Variants in PTK2 observed in about 807,000 individuals in gnomAD.
The protein encoded by PTK2 is protein tyrosine kinase 2.
PTK2 carries 45 observed loss-of-function variants against 150.1 expected under a neutral mutation model. The observed-to-expected ratio is 0.30, with a 90% CI of 0.24 to 0.38. The LOEUF (loss-of-function observed/expected upper bound fraction) is 0.38, where lower values mean the gene tolerates loss of function less well. PTK2 is among the 10% of genes least tolerant of loss of function. The pLI, the probability that PTK2 is intolerant of heterozygous loss-of-function variation, is 1.00. For synonymous variants in PTK2, 432 were observed against 449.2 expected, an observed-to-expected ratio of 0.96 and a Z score of 0.48; for missense variants, 919 against 1,307.3, an observed-to-expected ratio of 0.70 and a Z score of 4.58.
At chr8:140,789,367 T>C (rs2154579726) in intron 14 of PTK2, 107 bp downstream of exon 14, 2 of 1,093,152 alleles carry the variant, frequency 1.8e-6, no homozygotes, top group Non-Finnish European at 2.5e-6. Context: ...AGAATGCTTA[T>C]TTTCATAAGC....
intron 1 of PTK2, among the ~76,000 whole-genome samples, chr8:140,927,136 T>G (rs1425119098): frequency 1.3e-5 from 2 of 152,188 alleles, no homozygotes. Flanking sequence ...CCATATATGT[T>G]ATAAAACAGA....
intron 5 of PTK2, among the ~76,000 whole-genome samples, chr8:140,855,851 G>A (rs553006660): frequency 2.0e-5 from 3 of 152,036 alleles, no homozygotes; most frequent in African/African-American, 7.2e-5. Flanking sequence ...AAGGATGGTG[G>A]GGATGGTTGT....
chr8:140,743,776 TTTTC>T (rs2100057104), intron 19 of PTK2, among the ~76,000 whole-genome samples: 1 of 151,042 alleles, frequency 6.6e-6, no homozygotes, highest in African/African-American at 2.4e-5. Context: ...TTAGTTTTTC[TTTTC>T]TTTTTTTTTT....
intron 29 of PTK2, among the ~76,000 whole-genome samples, chr8:140,670,489 ACAC>A (rs2095037039): frequency 1.3e-4 from 1 of 7,896 alleles, no homozygotes; most frequent in African/African-American, 3.9e-4. Flanking sequence ...AAAAACAACA[ACAC>A]ACACACACAC....
At chr8:140,764,141 A>G in intron 15 of PTK2, 93 bp downstream of exon 17, 1 of 1,010,888 alleles carries the variant, frequency 9.9e-7, no homozygotes, top group South Asian at 1.3e-5. Context: ...AGTATTAAAA[A>G]TGGCTCTAAA....
chr8:140,732,011 C>T (rs773319441), intron 22 of PTK2, among the ~76,000 whole-genome samples: 12 of 152,188 alleles, frequency 7.9e-5, no homozygotes, highest in South Asian at 2.1e-4. Flanking sequence ...AGAATTCTTT[C>T]GAGGTCAAGA....
chr8:140,955,320 G>A (rs1282160739), intron 1 of PTK2, among the ~76,000 whole-genome samples: 1 of 152,124 alleles, frequency 6.6e-6, no homozygotes, highest in African/African-American at 2.4e-5. Context: ...CAAGATCTGA[G>A]GGTTTTATAT....
chr8:140,701,914 G>A (rs1357440495), intron 25 of PTK2, among the ~76,000 whole-genome samples: 1 of 151,846 alleles, frequency 6.6e-6, no homozygotes, highest in Non-Finnish European at 1.5e-5. Context: ...ATCACTTGAA[G>A]TCAGAAGTTC....
intron 7 of PTK2, among the ~76,000 whole-genome samples, chr8:140,839,048 G>C (rs1285855194): frequency 6.6e-6 from 1 of 151,922 alleles, no homozygotes; most frequent in Non-Finnish European, 1.5e-5. Flanking sequence ...AAGTAAAAGG[G>C]AAACTAATGT....
chr8:140,700,856 A>T (rs2100029845), intron 26 of PTK2, 35 bp downstream of exon 29: 1 of 1,610,774 alleles, frequency 6.2e-7, no homozygotes, highest in Non-Finnish European at 8.5e-7. Flanking sequence ...AACAGGGCTT[A>T]AAAAGTCAAA....
upstream of PTK2, chr8:141,001,411 C>T (rs1221511447): frequency 6.7e-6 from 1 of 149,950 alleles, no homozygotes; most frequent in East Asian, 2.0e-4. Flanking sequence ...GCATGCGCGC[C>T]GCCCCCGCGC....
At chr8:140,939,492 A>G (rs1455530752) in intron 1 of PTK2, among the ~76,000 whole-genome samples, 1 of 152,244 alleles carries the variant, frequency 6.6e-6, no homozygotes, top group East Asian at 1.9e-4. Flanking sequence ...CAAATCCAAC[A>G]GGTAGCCTTC....
At chr8:140,666,793 G>T (rs1236229089) in intron 30 of PTK2, among the ~76,000 whole-genome samples, 8 of 152,062 alleles carry the variant, frequency 5.3e-5, no homozygotes, top group Admixed American at 6.6e-5. Context: ...GTGAAAGCAG[G>T]GTCTCAAAAA....
At chr8:140,950,188 C>G (rs2100179104) in intron 1 of PTK2, among the ~76,000 whole-genome samples, 1 of 152,152 alleles carries the variant, frequency 6.6e-6, no homozygotes, top group Non-Finnish European at 1.5e-5. Flanking sequence ...CGAGACCTGC[C>G]AAATGCAGGG....
chr8:140,987,833 A>C (rs1263105786), intron 1 of PTK2, among the ~76,000 whole-genome samples: 1 of 152,180 alleles, frequency 6.6e-6, no homozygotes, highest in Non-Finnish European at 1.5e-5. Flanking sequence ...GCTTGAGCAC[A>C]GGAGTTTGAC....
chr8:140,770,539 C>G (rs1399975325), intron 14 of PTK2, among the ~76,000 whole-genome samples, 177 bp downstream of exon 15: 1 of 152,200 alleles, frequency 6.6e-6, no homozygotes, highest in Non-Finnish European at 1.5e-5. Flanking sequence ...AAAACAGTGA[C>G]ATAAAACCTT....
intron 17 of PTK2, among the ~76,000 whole-genome samples, chr8:140,751,255 G>A (rs10110422): frequency 0.022 from 3,369 of 152,204 alleles, 130 homozygotes; most frequent in African/African-American, 0.078. Context: ...TGCTACATGG[G>A]CCTCCCAGGC....
At chr8:141,001,334 G>GCCC (rs1378404573), upstream of PTK2, 2 of 147,392 alleles carry the variant, frequency 1.4e-5, no homozygotes, top group African/African-American at 4.9e-5. Context: ...TGAGGCGCGC[G>GCCC]TCCTCTCTCG....
At chr8:140,987,544 A>C (rs2100193764) in intron 1 of PTK2, among the ~76,000 whole-genome samples, 1 of 152,194 alleles carries the variant, frequency 6.6e-6, no homozygotes, top group South Asian at 2.1e-4. Context: ...TAACCATATA[A>C]GAAGATGCTC....
Sources: gnomAD v4.1 joint callset for allele counts (sites outside exome capture counted in the v4.1 genomes callset) on GRCh38, gnomAD v4.1.1 for gene constraint, MANE v1.5 for transcripts, NCBI Gene and HGNC (gene_info 2026-07-23, HGNC 2026-07-21) for gene names.